SLC44A1: variants seen among roughly 807,000 people sequenced by gnomAD.
The protein encoded by SLC44A1 is choline transporter-like protein 1.
SLC44A1 carries 26 observed loss-of-function variants against 79.3 expected under a neutral mutation model. That is an observed-to-expected ratio of 0.33 (90% CI 0.24 to 0.46). The LOEUF (loss-of-function observed/expected upper bound fraction) is 0.46, where lower values mean the gene tolerates loss of function less well. Among genes scored for constraint, SLC44A1 ranks in the 20% least tolerant of loss-of-function variants. The pLI is 1.00. For synonymous variants in SLC44A1, 263 were observed against 286.2 expected (o/e 0.92, Z 0.82); for missense variants, 688 against 798.1 (o/e 0.86, Z 1.66).
intron 1 of SLC44A1, among the ~76,000 whole-genome samples, chr9:105,295,694 T>C (rs922630419): frequency 7.3e-5 from 11 of 151,148 alleles, no homozygotes; most frequent in African/African-American, 2.7e-4. Context: ...TGCTTTTTAC[T>C]AACTAGTACA....
intron 4 of SLC44A1, among the ~76,000 whole-genome samples, chr9:105,345,877 T>C (rs1827232630): frequency 6.6e-6 from 1 of 152,080 alleles, no homozygotes; most frequent in South Asian, 2.1e-4. Context: ...TGTTCTTAGT[T>C]TTCTACTTTT....
intron 15 of SLC44A1, among the ~76,000 whole-genome samples, chr9:105,414,442 C>T (rs1299525259): frequency 1.3e-5 from 2 of 152,180 alleles, no homozygotes; most frequent in Non-Finnish European, 2.9e-5. Context: ...TCAGCACCCC[C>T]TGGGTAAACA....
intron 15 of SLC44A1, among the ~76,000 whole-genome samples, chr9:105,411,951 G>A (rs1716197984): frequency 6.6e-6 from 1 of 152,144 alleles, no homozygotes; most frequent in South Asian, 2.1e-4. Context: ...ATCTTGTGGA[G>A]ACATATTTTG....
chr9:105,304,896 T>C (rs1383534770), intron 2 of SLC44A1, among the ~76,000 whole-genome samples: 1 of 150,312 alleles, frequency 6.7e-6, no homozygotes, highest in Non-Finnish European at 1.5e-5. Flanking sequence ...TGCATTTGTA[T>C]ATGCTCAATA....
chr9:105,424,251 C>G (rs568260391), intron 15 of SLC44A1, among the ~76,000 whole-genome samples: 1 of 152,288 alleles, frequency 6.6e-6, no homozygotes, highest in African/African-American at 2.4e-5. Flanking sequence ...ATACCACTCT[C>G]CAGAATCCTA....
Position 105,393,264 on chromosome 9 carries a change from G to C in SLC44A1, c.*4208G>C, listed in dbSNP as rs1357675827. 3.0e-6 allele frequency: 3 copies of C among 985,196 alleles called. No individual in the cohort carries two copies. Among genetic ancestry groups the C allele is most frequent in the Non-Finnish European group, 3.6e-6 (3 of 829,860 alleles). 61.0% of individuals were successfully genotyped at this position (985,196 alleles called of 1,614,324 possible). On this transcript the variant is annotated 3_prime_UTR_variant, in exon 16 of 16. Transcript: ENST00000374720. ...TGCATGTTAGCCCTTTTGAAAAGTAGGCACTATTCATACACAGTAGCTTCT... is the reference window on the plus strand; with the variant it reads ...TGCATGTTAGCCCTTTTGAAAAGTACGCACTATTCATACACAGTAGCTTCT...
At chr9:105,290,350 T>C (rs1830574782) in intron 1 of SLC44A1, among the ~76,000 whole-genome samples, 1 of 152,060 alleles carries the variant, frequency 6.6e-6, no homozygotes, top group Middle Eastern at 3.2e-3. Flanking sequence ...TTCTGACCCT[T>C]GTAGGATGTG....
chr9:105,303,036 A>G (rs1830922562), intron 2 of SLC44A1, among the ~76,000 whole-genome samples: 1 of 152,212 alleles, frequency 6.6e-6, no homozygotes, highest in South Asian at 2.1e-4. Context: ...GACAAGTGAG[A>G]GACAGATCAA....
At chr9:105,275,058 G>A (rs1291665734) in intron 1 of SLC44A1, among the ~76,000 whole-genome samples, 2 of 152,172 alleles carry the variant, frequency 1.3e-5, no homozygotes, top group Non-Finnish European at 2.9e-5. Flanking sequence ...CAGTTCAATA[G>A]TATTATGATT....
chr9:105,405,092 G>A (rs1050314863), intron 15 of SLC44A1, among the ~76,000 whole-genome samples: 1 of 152,114 alleles, frequency 6.6e-6, no homozygotes, highest in Admixed American at 6.6e-5. Context: ...GGCCAAGGCG[G>A]GTGGATCACT....
rs1174001912 is a variant in SLC44A1, at chr9:105,383,363, A to G, written c.1869+4A>G. 6.7e-7 allele frequency: 1 copy of G among 1,498,756 alleles called. No individual in the cohort carries two copies. Among genetic ancestry groups the G allele is most frequent in the Non-Finnish European group, 9.3e-7 (1 of 1,075,066 alleles). The allele number at this position is 1,498,756 out of a possible 1,614,324, so 92.8% of individuals were successfully genotyped here. A position where few individuals can be genotyped will look rare whatever the true frequency, so the allele number is the denominator to read the frequency against. ...CTATATGGATAAAGTGCTGATGGTA[A>G]GTACTTCAAATGCCGTTTCCTATTT... On this transcript the variant is annotated splice_donor_region_variant and intron_variant, in intron 14 of 15. Coordinates refer to ENST00000374720, the MANE Select transcript of SLC44A1 (RefSeq NM_080546.5).
chr9:105,391,045 T>C lies in SLC44A1; in HGVS notation c.*1989T>C, dbSNP rs903348269. 3 of 985,748 alleles carry C rather than the reference T, an allele frequency of 3.0e-6. No homozygotes were observed. Among genetic ancestry groups the C allele is most frequent in the African/African-American group, 1.7e-5 (1 of 57,240 alleles). 61.1% of individuals were successfully genotyped at this position (985,748 alleles called of 1,614,324 possible). On this transcript the variant is annotated 3_prime_UTR_variant, in exon 16 of 16. Coordinates refer to ENST00000374720, the MANE Select transcript of SLC44A1 (RefSeq NM_080546.5). ...TCATAGCCGCACAGATTTTGGACTT[T>C]CACAAACATTGGGAACTAAATTTAG...
In SLC44A1 at chr9:105,414,947, A is replaced by G. The variant is rs538310596; in HGVS notation, c.1951-23334A>G. Among the ~76,000 whole-genome samples the G allele has an allele frequency of 2.0e-5, 3 of 152,236 alleles. No individual in the cohort carries two copies. The South Asian group carries it at 6.2e-4, about 32-fold the overall frequency. On this transcript the variant is annotated intron_variant, in intron 15 of 15. Transcript: ENST00000374724. ...TATGAATGCTCTTGATGAGAAAAGGAGATTTTTTTTTCCTCTCAGAGTGGA... is the reference window on the plus strand; with the variant it reads ...TATGAATGCTCTTGATGAGAAAAGGGGATTTTTTTTTCCTCTCAGAGTGGA...
chr9:105,246,968 A>AT (rs765741494), intron 1 of SLC44A1, among the ~76,000 whole-genome samples: 66 of 152,126 alleles, frequency 4.3e-4, no homozygotes, highest in Non-Finnish European at 2.1e-4. Context: ...CAAGGGGTGC[A>AT]TTTTTTTCCT....
At position 105,247,517 on chromosome 9, in the gene SLC44A1, G is replaced by T. The variant is rs554027891; in HGVS notation, c.36+2613G>T. On this transcript the variant is annotated intron_variant, in intron 1 of 15. Coordinates refer to ENST00000374720, the MANE Select transcript of SLC44A1 (RefSeq NM_080546.5). ...TTGCCATGTTGGTCAGGCTGGTCTCGAACTCCTGACCTCGGGTGATCTACC... is the reference window on the plus strand; with the variant it reads ...TTGCCATGTTGGTCAGGCTGGTCTCTAACTCCTGACCTCGGGTGATCTACC... 1.5e-3 allele frequency among the ~76,000 whole-genome samples: 231 copies of T among 152,180 alleles called. 1 individual carries two copies. The highest frequency in any genetic ancestry group is 1.7e-3 in the Non-Finnish European group (117 of 68,000).
In SLC44A1 at chr9:105,383,177, C is replaced by G. The variant is rs1205279066; in HGVS notation, c.1687C>G (p.Gln563Glu). Reference protein sequence around the residue: ...LAGIMLLNYQQDYTVWVLPLI... With the variant: ...LAGIMLLNYQEDYTVWVLPLI... Reference sequence around the variant, plus strand: ...TGGGATTATGCTGCTCAACTACCAGCAGGACTACACAGTATGGGTGCTGCC... The same window carrying G: ...TGGGATTATGCTGCTCAACTACCAGGAGGACTACACAGTATGGGTGCTGCC... Residue 563 changes from glutamine (Q) to glutamate (E), a missense_variant, in exon 14 of 16, where the codon CAG becomes GAG. Physicochemically the swap from Gln to Glu is conservative, Grantham distance 29. Transcript: ENST00000374720. The G allele has an allele frequency of 6.2e-7, 1 of 1,614,052 alleles. No individual in the cohort carries two copies. Among genetic ancestry groups the G allele is most frequent in the East Asian group, 2.2e-5 (1 of 44,894 alleles).
chr9:105,396,156 T>G lies in SLC44A1; in HGVS notation c.*7100T>G. 1.0e-6 allele frequency: 1 copy of G among 985,364 alleles called. No homozygotes were observed. Among genetic ancestry groups the G allele is most frequent in the Middle Eastern group, 5.2e-4 (1 of 1,914 alleles). 61.0% of individuals were successfully genotyped at this position (985,364 alleles called of 1,614,324 possible). A position where few individuals can be genotyped will look rare whatever the true frequency, so the allele number is the denominator to read the frequency against. Reference sequence around the variant, plus strand: ...CTTAATGCTACTAGATTGTGTTGTGTTGTTGGAGTTTTCTGACTTCTTCCC... The same window carrying G: ...CTTAATGCTACTAGATTGTGTTGTGGTGTTGGAGTTTTCTGACTTCTTCCC... On this transcript the variant is annotated 3_prime_UTR_variant, in exon 16 of 16. Transcript: ENST00000374720.
chr9:105,345,466 G>T (rs1285580956), intron 4 of SLC44A1, among the ~76,000 whole-genome samples: 1 of 152,064 alleles, frequency 6.6e-6, no homozygotes, highest in Admixed American at 6.6e-5. Context: ...TTGAATACTT[G>T]CCCAATTATG....
chr9:105,272,302 A>G (rs1405300505), intron 1 of SLC44A1, among the ~76,000 whole-genome samples: 2 of 152,102 alleles, frequency 1.3e-5, no homozygotes, highest in Non-Finnish European at 2.9e-5. Context: ...TTTTTGTAAT[A>G]TGTAATCACC....
Sources: gnomAD v4.1 joint callset for allele counts (sites outside exome capture counted in the v4.1 genomes callset) on GRCh38, gnomAD v4.1.1 for gene constraint, MANE v1.5 for transcripts, NCBI Gene and HGNC (gene_info 2026-07-23, HGNC 2026-07-21) for gene names.